SKP2: variants seen among roughly 807,000 people sequenced by gnomAD.
The protein encoded by SKP2 is S-phase kinase associated protein 2.
Under a neutral mutation model 51.8 loss-of-function variants are expected in SKP2, and 16 were observed. The ratio of observed to expected loss-of-function variants is 0.31; its 90% confidence interval spans 0.21 to 0.47. The LOEUF (loss-of-function observed/expected upper bound fraction) is 0.47, where lower values mean the gene tolerates loss of function less well. Ranked by LOEUF, SKP2 falls within the 20% of genes least tolerant of loss-of-function variation. The probability of loss-of-function intolerance (pLI) is 1.00; values close to 1 mark genes in which losing one functional copy is unlikely to be tolerated. For missense variants in SKP2, 377 were observed against 505.3 expected, an observed-to-expected ratio of 0.75 and a Z score of 2.43; for synonymous variants, 176 against 198.6, an observed-to-expected ratio of 0.89 and a Z score of 0.96.
intron 7 of SKP2, among the ~76,000 whole-genome samples, chr5:36,172,858 C>T (rs2111991287): frequency 6.6e-6 from 1 of 152,172 alleles, no homozygotes; most frequent in Middle Eastern, 3.4e-3. Context: ...CTTTCTTTAG[C>T]AAGCTGTAAA....
chr5:36,158,072 C>T (rs959193128), intron 2 of SKP2, among the ~76,000 whole-genome samples: 1 of 152,152 alleles, frequency 6.6e-6, no homozygotes, highest in African/African-American at 2.4e-5. Context: ...GCTGGTTTGG[C>T]CCAGTTTTTG....
chr5:36,169,252 C>G (rs757411533), intron 5 of SKP2, among the ~76,000 whole-genome samples: 1 of 152,080 alleles, frequency 6.6e-6, no homozygotes, highest in African/African-American at 2.4e-5. Context: ...TGAGACCAGC[C>G]TGGCCAACAT....
intron 7 of SKP2, among the ~76,000 whole-genome samples, chr5:36,173,619 G>T (rs1276121074): frequency 6.6e-6 from 1 of 152,060 alleles, no homozygotes; most frequent in Non-Finnish European, 1.5e-5. Flanking sequence ...TCCAAATTTG[G>T]CTTAAAATCT....
Position 36,191,905 on chromosome 5 carries a change from T to A in SKP2, c.633-716T>A, listed in dbSNP as rs200025680. On this transcript the variant is annotated intron_variant, in intron 6 of 7. Transcript: ENST00000677886. ...AAAGCCCTAAAAGCCTATACTAATATTATGGATAACTCAAAACGTAACTGC... is the reference window on the plus strand; with the variant it reads ...AAAGCCCTAAAAGCCTATACTAATAATATGGATAACTCAAAACGTAACTGC... Among the ~76,000 whole-genome samples the A allele has an allele frequency of 9.2e-5, 4 of 43,416 alleles. No individual in the cohort carries two copies. In the East Asian group the frequency reaches 2.0e-3, roughly 22 times the overall value. The allele number at this position is 43,416 out of a possible 152,430, so 28.5% of individuals were successfully genotyped here.
chr5:36,161,202 A>G (rs922118748), intron 2 of SKP2, among the ~76,000 whole-genome samples: 1 of 151,880 alleles, frequency 6.6e-6, no homozygotes, highest in Non-Finnish European at 1.5e-5. Context: ...AAAACCTAGA[A>G]TAGACCTCAG....
intron 6 of SKP2, among the ~76,000 whole-genome samples, chr5:36,191,295 G>A (rs1746018486): frequency 6.6e-6 from 1 of 151,988 alleles, no homozygotes; most frequent in South Asian, 2.1e-4. Context: ...TAAGGATGCT[G>A]CTAACCATCC....
chr5:36,186,526 C>T (rs963844021), downstream of SKP2, among the ~76,000 whole-genome samples: 1 of 152,262 alleles, frequency 6.6e-6, no homozygotes, highest in South Asian at 2.1e-4. Context: ...GTTGTTGGTT[C>T]TGTTTATATG....
At chr5:36,180,276 G>A in intron 9 of SKP2, 10 of 1,344,776 alleles carry the variant, frequency 7.4e-6, no homozygotes, top group Non-Finnish European at 9.9e-6. Flanking sequence ...AGTTGGAGCT[G>A]GATTGCTGTC....
intron 6 of SKP2, among the ~76,000 whole-genome samples, chr5:36,190,126 C>T (rs1047497425): frequency 1.3e-5 from 2 of 152,156 alleles, no homozygotes; most frequent in African/African-American, 4.8e-5. Flanking sequence ...CTCACAGCTT[C>T]CCTTGGCTAG....
downstream of SKP2, among the ~76,000 whole-genome samples, chr5:36,185,583 G>T (rs568581548): frequency 2.9e-4 from 44 of 152,222 alleles, no homozygotes; most frequent in Admixed American, 6.5e-4. Flanking sequence ...TATTATTTCT[G>T]AGGGCTCCGT....
chr5:36,167,380 G>A (rs1482149445), intron 4 of SKP2, among the ~76,000 whole-genome samples: 1 of 152,050 alleles, frequency 6.6e-6, no homozygotes, highest in Non-Finnish European at 1.5e-5. Flanking sequence ...TCACATATGT[G>A]ATTTCCTCTG....
At chr5:36,180,161 A>G (rs746293658) in intron 9 of SKP2, 2 of 605,868 alleles carry the variant, frequency 3.3e-6, no homozygotes, top group African/African-American at 3.8e-5. Flanking sequence ...TCCCTTAAAT[A>G]TTCTCCAGTG....
chr5:36,178,948 G>A (rs917209790), intron 9 of SKP2, among the ~76,000 whole-genome samples: 4 of 152,102 alleles, frequency 2.6e-5, no homozygotes, highest in African/African-American at 9.7e-5. Context: ...ATACTTGGAG[G>A]CAGTGTGAAT....
Position 36,170,404 on chromosome 5 carries a change from T to C in SKP2, c.732T>C (p.Ser244=). 6 of 1,613,328 alleles carry C rather than the reference T, an allele frequency of 3.7e-6. No homozygotes were observed. The highest frequency in any genetic ancestry group is 5.1e-6 in the Non-Finnish European group (6 of 1,179,474). ...ACCTTTCTGGGTGTTCTGGATTCTC[T>C]GAATTTGCCCTGCAGACTTTGCTAA... ...RLNLSGCSGF[S]EFALQTLLSS... Residue 244 remains serine (S), a synonymous_variant, in exon 6 of 10, where the codon TCT becomes TCC. Coordinates refer to ENST00000274255, the MANE Select transcript of SKP2 (RefSeq NM_005983.4).
intron 2 of SKP2, among the ~76,000 whole-genome samples, chr5:36,156,924 CTTTT>C (rs561524146): frequency 6.8e-6 from 1 of 147,846 alleles, no homozygotes; most frequent in African/African-American, 2.5e-5. Flanking sequence ...TTTTTTCCAA[CTTTT>C]TTTTTTTAAC....
chr5:36,187,862 G>A (rs1438831921), downstream of SKP2, among the ~76,000 whole-genome samples: 1 of 152,094 alleles, frequency 6.6e-6, no homozygotes, highest in African/African-American at 2.4e-5. Context: ...ATTATTGTGT[G>A]GGAGTCTAAG....
chr5:36,187,069 T>C (rs995450694), downstream of SKP2, among the ~76,000 whole-genome samples: 3 of 152,234 alleles, frequency 2.0e-5, no homozygotes, highest in African/African-American at 7.2e-5. Flanking sequence ...AGTTTGTATT[T>C]CTGTGGGATT....
chr5:36,170,507 GTA>G (rs1405595670), intron 6 of SKP2, 65 bp downstream of exon 6: 2 of 952,260 alleles, frequency 2.1e-6, no homozygotes, highest in African/African-American at 1.7e-5. Flanking sequence ...CCTCACATCT[GTA>G]TAAAATGGGA....
Position 36,182,189 on chromosome 5 carries a change from T to G in SKP2, c.*158T>G. The G allele has an allele frequency of 7.0e-7, 1 of 1,419,244 alleles. No homozygotes were observed. The highest frequency in any genetic ancestry group is 9.2e-7 in the Non-Finnish European group (1 of 1,090,724). The allele number at this position is 1,419,244 out of a possible 1,614,324, so 87.9% of individuals were successfully genotyped here. A position where few individuals can be genotyped will look rare whatever the true frequency, so the allele number is the denominator to read the frequency against. On this transcript the variant is annotated 3_prime_UTR_variant, in exon 10 of 10. Coordinates refer to ENST00000274255, the MANE Select transcript of SKP2 (RefSeq NM_005983.4). Reference sequence around the variant, plus strand: ...ATTTGAGAGGGAAAACTATGAAATCTTGCTTTTTGAAATGATTCTAAAAGC... The same window carrying G: ...ATTTGAGAGGGAAAACTATGAAATCGTGCTTTTTGAAATGATTCTAAAAGC...
Sources: allele counts gnomAD v4.1 joint callset (sites outside exome capture counted in the v4.1 genomes callset), GRCh38; gene constraint gnomAD v4.1.1; transcripts MANE v1.5; gene names NCBI Gene and HGNC (gene_info 2026-07-23, HGNC 2026-07-21).